The following KPNA7 variants were observed in gnomAD, a reference collection of about 807,000 sequenced individuals.
KPNA7 encodes the protein importin subunit alpha-8.
In KPNA7, 54 loss-of-function variants were observed where a neutral mutation model predicts 53.7. The ratio of observed to expected loss-of-function variants is 1.01; its 90% CI spans 0.81 to 1.26. The LOEUF (loss-of-function observed/expected upper bound fraction) is 1.26, where lower values mean the gene tolerates loss of function less well. Among genes scored for constraint, KPNA7 ranks in the 50% most tolerant of loss-of-function variants. The pLI is 0.00. For synonymous variants in KPNA7, 276 were observed against 259.3 expected, an observed-to-expected ratio of 1.06 and a Z score of -0.62; for missense variants, 640 against 644.5, an observed-to-expected ratio of 0.99 and a Z score of 0.07.
At chr7:99,213,617 A>T (rs1198952904) in intron 1 of KPNA7, among the ~76,000 whole-genome samples, 2 of 151,614 alleles carry the variant, frequency 1.3e-5, no homozygotes, top group South Asian at 4.2e-4. Flanking sequence ...CTAATTTTTT[A>T]AATTTTTTGT....
chr7:99,147,253 T>C, the KPNA7 span, among the ~76,000 whole-genome samples: 2 of 152,154 alleles, frequency 1.3e-5, no homozygotes, highest in Non-Finnish European at 2.9e-5. Context: ...GGCTAGAACA[T>C]AGATGACAGA....
chr7:99,172,938 C>T (rs1180881269), downstream of KPNA7, among the ~76,000 whole-genome samples: 1 of 151,618 alleles, frequency 6.6e-6, no homozygotes, highest in East Asian at 2.0e-4. Context: ...TGGCAGGCAC[C>T]TATAGTCCCA....
the KPNA7 span, among the ~76,000 whole-genome samples, chr7:99,150,577 G>C: frequency 6.6e-6 from 1 of 151,884 alleles, no homozygotes; most frequent in African/African-American, 2.4e-5. Context: ...ACTACGCCTG[G>C]CTAATTTTTG....
At chr7:99,209,374 T>G (rs79451930), upstream of KPNA7, among the ~76,000 whole-genome samples, 8,135 of 152,130 alleles carry the variant, frequency 0.053, 482 homozygotes, top group African/African-American at 0.14. Flanking sequence ...TTACCCACAC[T>G]ACTGCAGTTG....
chr7:99,183,130 C>T (rs117557270), intron 8 of KPNA7, among the ~76,000 whole-genome samples: 8,379 of 152,076 alleles, frequency 0.055, 313 homozygotes, highest in African/African-American at 0.091. Context: ...GAGGCGTGTG[C>T]CTGTAATCCC....
At chr7:99,184,510 C>T (rs1047833836) in intron 8 of KPNA7, among the ~76,000 whole-genome samples, 1 of 152,084 alleles carries the variant, frequency 6.6e-6, no homozygotes, top group Admixed American at 6.6e-5. Flanking sequence ...TTGACATTAC[C>T]ACTTTAATCA....
intron 1 of KPNA7, among the ~76,000 whole-genome samples, chr7:99,214,452 C>CA (rs200819604): frequency 0.055 from 8,054 of 145,224 alleles, 264 homozygotes; most frequent in South Asian, 0.14. Flanking sequence ...CAAAAAAAAA[C>CA]AAAAAACAAA....
At chr7:99,208,914 G>T (rs534776410), upstream of KPNA7, among the ~76,000 whole-genome samples, 2 of 152,316 alleles carry the variant, frequency 1.3e-5, no homozygotes, top group South Asian at 4.1e-4. Context: ...CACTTTGGAA[G>T]GCTGAGGCAG....
intron 10 of KPNA7, among the ~76,000 whole-genome samples, chr7:99,174,206 T>C (rs1798825625): frequency 6.6e-6 from 1 of 152,088 alleles, no homozygotes; most frequent in African/African-American, 2.4e-5. Context: ...CAAACCCTAT[T>C]GTGAACTGCG....
chr7:99,210,019 C>CA (rs965140849), upstream of KPNA7, among the ~76,000 whole-genome samples: 60 of 150,464 alleles, frequency 4.0e-4, no homozygotes, highest in African/African-American at 1.2e-3. Context: ...AACAAACAAA[C>CA]AAAAAAAAGA....
chr7:99,196,353 C>T (rs1584299675), intron 3 of KPNA7, among the ~76,000 whole-genome samples, 187 bp from the exon 4 acceptor site: 1 of 152,104 alleles, frequency 6.6e-6, no homozygotes, highest in East Asian at 1.9e-4. Flanking sequence ...GTGTTCCTTC[C>T]CATGCTTAGG....
chr7:99,151,767 A>G, the KPNA7 span, among the ~76,000 whole-genome samples: 1 of 152,136 alleles, frequency 6.6e-6, no homozygotes, highest in African/African-American at 2.4e-5. Context: ...ACAAACATTA[A>G]GAACCTCCTA....
chr7:99,176,249 G>A (rs1798895946), intron 10 of KPNA7, among the ~76,000 whole-genome samples: 2 of 141,022 alleles, frequency 1.4e-5, no homozygotes, highest in South Asian at 2.3e-4. Context: ...AGTGAGCCAA[G>A]ATCGCGCCAC....
chr7:99,211,981 A>G (rs1164497136), upstream of KPNA7, among the ~76,000 whole-genome samples: 1 of 152,038 alleles, frequency 6.6e-6, no homozygotes, highest in Non-Finnish European at 1.5e-5. Context: ...CTCCTCCCCA[A>G]CCAATGTGGA....
downstream of KPNA7, among the ~76,000 whole-genome samples, chr7:99,170,738 C>A (rs1225184935): frequency 6.6e-6 from 1 of 152,164 alleles, no homozygotes; most frequent in Non-Finnish European, 1.5e-5. Context: ...TTTAAGAATA[C>A]TGGAGACACA....
chr7:99,218,155 A>T (rs1791260097), intron 1 of KPNA7, among the ~76,000 whole-genome samples: 1 of 151,908 alleles, frequency 6.6e-6, no homozygotes, highest in Non-Finnish European at 1.5e-5. Context: ...ATGCACCATC[A>T]CACCTGGCTA....
intron 5 of KPNA7, 145 bp downstream of exon 5, chr7:99,194,925 G>T: frequency 1.9e-6 from 2 of 1,031,006 alleles, no homozygotes; most frequent in East Asian, 2.6e-5. Context: ...TTTGGAAACA[G>T]CTCATTGTAC....
chr7:99,162,567 C>A, the KPNA7 span, among the ~76,000 whole-genome samples: 1 of 152,116 alleles, frequency 6.6e-6, no homozygotes, highest in African/African-American at 2.4e-5. Flanking sequence ...ATACCAAAGG[C>A]AAATTGCTCC....
At chr7:99,174,960 G>A (rs942125782) in intron 10 of KPNA7, among the ~76,000 whole-genome samples, 3 of 151,632 alleles carry the variant, frequency 2.0e-5, no homozygotes, top group East Asian at 3.9e-4. Context: ...ATGAGCACCC[G>A]TCACCACACC....
Sources: allele counts gnomAD v4.1 joint callset (sites outside exome capture counted in the v4.1 genomes callset), GRCh38; gene constraint gnomAD v4.1.1; transcripts MANE v1.5; gene names NCBI Gene and HGNC (gene_info 2026-07-23, HGNC 2026-07-21).